The following NPSR1 variants were observed in gnomAD, a reference collection of about 807,000 sequenced individuals.
NPSR1 encodes neuropeptide S receptor 1.
A neutral mutation model predicts 46.9 loss-of-function variants in NPSR1; 48 were observed. That is an observed-to-expected ratio of 1.02 (90% CI 0.81 to 1.30). NPSR1 has a LOEUF of 1.30. NPSR1 is among the 50% of genes most tolerant of loss of function. The pLI is 0.00. For missense variants in NPSR1, 450 were observed against 449.5 expected, an observed-to-expected ratio of 1.00 and a Z score of -0.01; for synonymous variants, 176 against 168.1, an observed-to-expected ratio of 1.05 and a Z score of -0.36.
chr7:34,765,969 C>A (rs1047682270), intron 2 of NPSR1, among the ~76,000 whole-genome samples: 8 of 152,124 alleles, frequency 5.3e-5, no homozygotes, highest in Admixed American at 6.5e-5. Flanking sequence ...ATCAATCGTA[C>A]CCCAAATCTC....
At chr7:34,683,471 A>C (rs1792761602) in intron 1 of NPSR1, among the ~76,000 whole-genome samples, 1 of 151,794 alleles carries the variant, frequency 6.6e-6, no homozygotes, top group African/African-American at 2.4e-5. Flanking sequence ...TATTTCTTAG[A>C]AGGACTGTCA....
At chr7:34,878,038 G>T in intron 8 of NPSR1, 2 of 1,241,790 alleles carry the variant, frequency 1.6e-6, no homozygotes, top group Non-Finnish European at 2.3e-6. Context: ...GAAGACCCAG[G>T]TCCCTATACA....
chr7:34,849,574 A>G lies in NPSR1; in HGVS notation c.1035A>G (p.Arg345=). ...SSISFPCREQ[R]SQDSRMTFRE... ...TTTTGACTTTCTCCAGGGAGCAAAG[A>G]TCACAGGATTCCAGAATGACGTTCC... The change falls in exon 9 of 9, where the codon AGA becomes AGG. Residue 345 remains arginine, a synonymous_variant. Transcript: ENST00000360581. 6.2e-7 allele frequency: 1 copy of G among 1,614,156 alleles called. No individual in the cohort carries two copies. Among genetic ancestry groups the G allele is most frequent in the Non-Finnish European group, 8.5e-7 (1 of 1,180,000 alleles).
In NPSR1 at chr7:34,691,662, T is replaced by C. The variant is rs573247207; in HGVS notation, c.280+6978T>C. On this transcript the variant is annotated intron_variant, in intron 2 of 8. Coordinates refer to ENST00000360581, the MANE Select transcript of NPSR1 (RefSeq NM_207172.2). ...ATAAAAGGTTCAAACGACAAGAAGA[T>C]TGAACTATTGTAAAGTATACACGAC... Among the ~76,000 whole-genome samples, 61 of 152,072 alleles carry C rather than the reference T, an allele frequency of 4.0e-4. 1 individual carries two copies. The highest frequency in any genetic ancestry group is 2.5e-3 in the South Asian group (12 of 4,806).
intron 2 of NPSR1, among the ~76,000 whole-genome samples, chr7:34,689,819 C>T (rs2128688599): frequency 6.6e-6 from 1 of 151,506 alleles, no homozygotes; most frequent in East Asian, 2.0e-4. Flanking sequence ...GTGATGCACA[C>T]CTGTAGTCCC....
In NPSR1 at chr7:34,736,332, C is replaced by T. The variant is rs184299233; in HGVS notation, c.281-42130C>T. On this transcript the variant is annotated intron_variant, in intron 2 of 8. Coordinates refer to ENST00000360581, the MANE Select transcript of NPSR1 (RefSeq NM_207172.2). ...CACAATACTGTGAATTCCTTTACAG[C>T]AGGTACTATGCTATACTCATCTTCA... Among the ~76,000 whole-genome samples the T allele has an allele frequency of 7.2e-5, 11 of 152,272 alleles. No individual in the cohort carries two copies. The East Asian group carries it at 2.1e-3, about 29-fold the overall frequency.
intron 3 of NPSR1, among the ~76,000 whole-genome samples, chr7:34,789,288 T>C (rs1787609803): frequency 6.6e-6 from 1 of 151,200 alleles, no homozygotes. Context: ...GGAGAAATAA[T>C]AAAAATTAGA....
intron 1 of NPSR1, among the ~76,000 whole-genome samples, chr7:34,684,066 A>C (rs955419576): frequency 7.0e-6 from 1 of 142,278 alleles, no homozygotes; most frequent in Non-Finnish European, 1.5e-5. Context: ...CCAGTATATG[A>C]TTTTATCATG....
chr7:34,665,877 C>T (rs1171032325), intron 1 of NPSR1, among the ~76,000 whole-genome samples: 1 of 151,920 alleles, frequency 6.6e-6, no homozygotes, highest in African/African-American at 2.4e-5. Flanking sequence ...CACACATGCC[C>T]ACACACACAC....
chr7:34,691,140 TGAA>T lies in NPSR1; in HGVS notation c.280+6463_280+6465del, dbSNP rs537645523. ...ATCCTGCCATGCTAAGCTTTATAAA[TGAA>T]GAAGAAATCAAGTCTTAACCAGACA... On this transcript the variant is annotated intron_variant, in intron 2 of 8. Transcript: ENST00000360581. 3.8e-3 allele frequency among the ~76,000 whole-genome samples: 573 copies of T among 152,258 alleles called. 4 individuals carry two copies. The highest frequency in any genetic ancestry group is 0.013 in the African/African-American group (558 of 41,564).
At chr7:34,769,292 C>T (rs966300813) in intron 2 of NPSR1, among the ~76,000 whole-genome samples, 11 of 152,106 alleles carry the variant, frequency 7.2e-5, no homozygotes, top group Non-Finnish European at 8.8e-5. Flanking sequence ...ATTTAACATA[C>T]GTTTCTTCCT....
In NPSR1 at chr7:34,848,661, C is replaced by A. The variant is rs1055134265; in HGVS notation, c.1023C>A (p.Cys341Ter). ...CVFSSSISFP[C>*]REQRSQDSRM... Reference sequence around the variant, plus strand: ...TCAGCAGCTCCATCTCTTTCCCCTGCAGGTAAGGGGAGCTCTTGCATGGGT... The same window carrying A: ...TCAGCAGCTCCATCTCTTTCCCCTGAAGGTAAGGGGAGCTCTTGCATGGGT... Residue 341 changes from cysteine (C) to a stop codon, truncating the protein, a stop_gained and splice_region_variant, in exon 8 of 9, where the codon TGC becomes TGA. Transcript: ENST00000360581. LOFTEE classifies it high-confidence loss of function. The A allele has an allele frequency of 1.2e-6, 2 of 1,613,000 alleles. No homozygotes were observed. The highest frequency in any genetic ancestry group is 3.3e-5 in the Admixed American group (2 of 60,008).
At chr7:34,826,682 G>A (rs1176754440) in intron 4 of NPSR1, among the ~76,000 whole-genome samples, 3 of 152,284 alleles carry the variant, frequency 2.0e-5, no homozygotes, top group Non-Finnish European at 2.9e-5. Flanking sequence ...ACCAGCTGAG[G>A]TGGCCAGAGC....
chr7:34,699,355 A>G (rs1421275980), intron 2 of NPSR1, among the ~76,000 whole-genome samples: 1 of 152,230 alleles, frequency 6.6e-6, no homozygotes, highest in African/African-American at 2.4e-5. Flanking sequence ...AAATTAAATG[A>G]TGTTGCTATT....
intron 2 of NPSR1, among the ~76,000 whole-genome samples, chr7:34,755,010 T>G (rs1005408451): frequency 6.6e-6 from 1 of 152,172 alleles, no homozygotes; most frequent in Admixed American, 6.5e-5. Flanking sequence ...ATAGCACATT[T>G]TGTTTATCCG....
chr7:34,791,388 C>A (rs561442526), intron 3 of NPSR1, among the ~76,000 whole-genome samples: 1 of 147,870 alleles, frequency 6.8e-6, no homozygotes, highest in Non-Finnish European at 1.5e-5. Flanking sequence ...GATACAAAAT[C>A]AACATGCAAA....
intron 2 of NPSR1, among the ~76,000 whole-genome samples, chr7:34,713,192 G>T (rs942299240): frequency 6.6e-6 from 1 of 152,194 alleles, no homozygotes; most frequent in Non-Finnish European, 1.5e-5. Context: ...TCAATTGTCA[G>T]ATCTGTCCTG....
At chr7:34,874,283 T>C (rs1584165064) in intron 8 of NPSR1, among the ~76,000 whole-genome samples, 1 of 152,222 alleles carries the variant, frequency 6.6e-6, no homozygotes, top group Non-Finnish European at 1.5e-5. Flanking sequence ...GAAACAATAA[T>C]ATTGCCTGTC....
At chr7:34,808,166 G>T (rs1217543048) in intron 3 of NPSR1, among the ~76,000 whole-genome samples, 1 of 152,166 alleles carries the variant, frequency 6.6e-6, no homozygotes, top group Non-Finnish European at 1.5e-5. Flanking sequence ...GAAGAGGCAA[G>T]GGGCAGATTC....
Sources: gnomAD v4.1 joint callset for allele counts (sites outside exome capture counted in the v4.1 genomes callset) on GRCh38, gnomAD v4.1.1 for gene constraint, MANE v1.5 for transcripts, NCBI Gene and HGNC (gene_info 2026-07-23, HGNC 2026-07-21) for gene names.